The following SPRED1 variants were observed in gnomAD, a reference collection of about 807,000 sequenced individuals.
The protein encoded by SPRED1 is sprouty related EVH1 domain containing 1, also known as sprouty-related, EVH1 domain-containing protein 1.
A neutral mutation model predicts 52.3 loss-of-function variants in SPRED1; 18 were observed. That is an observed-to-expected ratio of 0.34 (90% confidence interval 0.24 to 0.51). The LOEUF is 0.51. Ranked by LOEUF, SPRED1 falls within the 20% of genes least tolerant of loss-of-function variation. SPRED1 has a pLI of 0.97. For missense variants in SPRED1, 485 were observed against 551.0 expected (o/e 0.88, Z 1.20); for synonymous variants, 155 against 179.7 (o/e 0.86, Z 1.10).
rs1888571276 is a variant in SPRED1, at chr15:38,354,654, T to C, written c.*2990T>C. ...AGGAATAAGAACTGTCTCAAAGGAA[T>C]TGTAAAATGGTTATTTACCTAATGT... On this transcript the variant is annotated 3_prime_UTR_variant, in exon 7 of 7. Transcript: ENST00000299084. 1.3e-5 allele frequency: 2 copies of C among 152,230 alleles called. No individual in the cohort carries two copies. Among genetic ancestry groups the C allele is most frequent in the Admixed American group, 1.3e-4 (2 of 15,282 alleles). 9.4% of individuals were successfully genotyped at this position (152,230 alleles called of 1,614,324 possible).
chr15:38,286,471 A>G (rs1004637098), intron 1 of SPRED1, among the ~76,000 whole-genome samples: 8 of 151,704 alleles, frequency 5.3e-5, no homozygotes, highest in Admixed American at 5.3e-4. Flanking sequence ...CATAATCTGC[A>G]AACAAGAATA....
chr15:38,256,667 A>G (rs1396813548), intron 1 of SPRED1, among the ~76,000 whole-genome samples: 2 of 152,124 alleles, frequency 1.3e-5, no homozygotes, highest in East Asian at 3.8e-4. Flanking sequence ...CTGAGTTTGA[A>G]CTGTTTTTCC....
At chr15:38,317,091 A>G (rs1464761019) in intron 2 of SPRED1, among the ~76,000 whole-genome samples, 2 of 151,866 alleles carry the variant, frequency 1.3e-5, no homozygotes, top group Non-Finnish European at 2.9e-5. Flanking sequence ...TATCTTTACT[A>G]TCTATTTTAT....
intron 1 of SPRED1, among the ~76,000 whole-genome samples, chr15:38,283,745 C>A (rs569805173): frequency 7.8e-4 from 119 of 152,220 alleles, no homozygotes; most frequent in Non-Finnish European, 1.4e-3. Flanking sequence ...GAATCACTTA[C>A]CCTCTTGAAG....
intron 2 of SPRED1, among the ~76,000 whole-genome samples, chr15:38,310,153 G>GTGTGTGTGTGTGTGTGTGTTT (rs373463622): frequency 7.6e-6 from 1 of 132,266 alleles, no homozygotes; most frequent in Non-Finnish European, 1.6e-5. Flanking sequence ...GTGTGTGTGT[G>GTGTGTGTGTGTGTGTGTGTTT]TTTGGAGACG....
chr15:38,281,559 AT>A lies in SPRED1; in HGVS notation c.33-17790del, dbSNP rs542005244. On this transcript the variant is annotated intron_variant, in intron 1 of 6. Transcript: ENST00000299084. Reference sequence around the variant, plus strand: ...AGGTGTGTGCCACCATGCCCATCTAATTTTTTTTTTTTTTTTTTTTTTTTGT... The same window carrying A: ...AGGTGTGTGCCACCATGCCCATCTAATTTTTTTTTTTTTTTTTTTTTTTGT... 7.1e-3 allele frequency among the ~76,000 whole-genome samples: 711 copies of A among 100,738 alleles called. 3 individuals carry two copies. The highest frequency in any genetic ancestry group is 0.029 in the South Asian group (79 of 2,696). 66.1% of individuals were successfully genotyped at this position (100,738 alleles called of 152,430 possible). A position where few individuals can be genotyped will look rare whatever the true frequency, so the allele number is the denominator to read the frequency against.
intron 1 of SPRED1, among the ~76,000 whole-genome samples, chr15:38,271,406 G>GTCCA (rs1192827911): frequency 6.6e-6 from 1 of 152,166 alleles, no homozygotes; most frequent in African/African-American, 2.4e-5. Flanking sequence ...GTCACATTTA[G>GTCCA]TCCATCTCCT....
chr15:38,276,421 A>AAT (rs1418628618), intron 1 of SPRED1, among the ~76,000 whole-genome samples: 1 of 152,146 alleles, frequency 6.6e-6, no homozygotes. Context: ...TAATTAGAGT[A>AAT]ATACTATACA....
chr15:38,303,469 T>C (rs1258535663), intron 2 of SPRED1, among the ~76,000 whole-genome samples: 1 of 152,158 alleles, frequency 6.6e-6, no homozygotes, highest in Non-Finnish European at 1.5e-5. Flanking sequence ...ACCATTTGTA[T>C]AGGTTATGTT....
chr15:38,347,295 C>T (rs532134250), intron 5 of SPRED1, among the ~76,000 whole-genome samples: 25 of 152,148 alleles, frequency 1.6e-4, no homozygotes, highest in African/African-American at 6.0e-4. Flanking sequence ...CACTGATATG[C>T]AGTACCATAT....
rs1258729848 is a variant in SPRED1, at chr15:38,353,272, G to A, written c.*1608G>A. ...TTTTATATATCACACTTAAGCTTGT[G>A]TTAGCTTTTTTCTTTTGCCCCAGAT... On this transcript the variant is annotated 3_prime_UTR_variant, in exon 7 of 7. Transcript: ENST00000299084. 1.3e-5 allele frequency: 2 copies of A among 152,368 alleles called. No homozygotes were observed. The highest frequency in any genetic ancestry group is 4.8e-5 in the African/African-American group (2 of 41,388). The allele number at this position is 152,368 out of a possible 1,614,324, so 9.4% of individuals were successfully genotyped here.
At chr15:38,336,117 G>A (rs1385023102) in intron 4 of SPRED1, among the ~76,000 whole-genome samples, 1 of 151,442 alleles carries the variant, frequency 6.6e-6, no homozygotes, top group Non-Finnish European at 1.5e-5. Context: ...TTCCTACATT[G>A]TATATTATAT....
At chr15:38,324,680 A>G (rs1895674370) in intron 3 of SPRED1, 83 bp from the exon 4 acceptor site, 2 of 1,076,642 alleles carry the variant, frequency 1.9e-6, no homozygotes, top group South Asian at 1.4e-5. Context: ...CTAAAGTATT[A>G]TAATGACATA....
chr15:38,258,724 T>A (rs563567382), intron 1 of SPRED1, among the ~76,000 whole-genome samples: 6 of 152,312 alleles, frequency 3.9e-5, no homozygotes, highest in Admixed American at 6.5e-5. Context: ...TAAAATTGAT[T>A]TAAAAACTTA....
intron 3 of SPRED1, 97 bp downstream of exon 3, chr15:38,322,506 A>G: frequency 7.9e-7 from 1 of 1,269,190 alleles, no homozygotes; most frequent in Admixed American, 1.8e-5. Context: ...TCACACTTTA[A>G]CCATGTCAGC....
intron 4 of SPRED1, among the ~76,000 whole-genome samples, chr15:38,330,363 A>T (rs892864314): frequency 6.6e-6 from 1 of 152,172 alleles, no homozygotes; most frequent in African/African-American, 2.4e-5. Flanking sequence ...GTCAAAGCTC[A>T]TAGACAAATA....
intron 2 of SPRED1, among the ~76,000 whole-genome samples, chr15:38,319,578 A>T (rs549387366): frequency 6.6e-6 from 1 of 152,064 alleles, no homozygotes; most frequent in East Asian, 1.9e-4. Context: ...GGGTTTCACT[A>T]TGTTGGTCAG....
rs982182501 is a variant in SPRED1 at position 38,340,988 on chromosome 15, G to C, written c.582+1093G>C. Among the ~76,000 whole-genome samples, 105 of 121,052 alleles carry C rather than the reference G, an allele frequency of 8.7e-4. 1 individual carries two copies. The highest frequency in any genetic ancestry group is 4.5e-3 in the Middle Eastern group (1 of 224). The allele number at this position is 121,052 out of a possible 152,430, so 79.4% of individuals were successfully genotyped here. A position where few individuals can be genotyped will look rare whatever the true frequency, so the allele number is the denominator to read the frequency against. On this transcript the variant is annotated intron_variant, in intron 5 of 6. Transcript: ENST00000299084. ...TAGAATTCCTTAGTGAAGCCACCTG[G>C]GCCTGGATTTTTTTTTTTTTTTTTT...
intron 4 of SPRED1, among the ~76,000 whole-genome samples, chr15:38,337,999 G>A (rs894570662): frequency 6.3e-5 from 9 of 143,762 alleles, no homozygotes; most frequent in Admixed American, 5.7e-4. Context: ...TCAGGAGTTC[G>A]AGACCAGCCT....
Sources: allele counts gnomAD v4.1 joint callset (sites outside exome capture counted in the v4.1 genomes callset), GRCh38; gene constraint gnomAD v4.1.1; transcripts MANE v1.5; gene names NCBI Gene and HGNC (gene_info 2026-07-23, HGNC 2026-07-21).